SDK1: variants seen among roughly 807,000 people sequenced by gnomAD.
The protein encoded by SDK1 is protein sidekick-1.
In SDK1, 157 loss-of-function variants were observed where a neutral mutation model predicts 245.5. The ratio of observed to expected loss-of-function variants is 0.64; its 90% CI spans 0.56 to 0.73. SDK1 has a LOEUF of 0.73. Ranked by LOEUF, SDK1 falls within the 30% of genes least tolerant of loss-of-function variation. SDK1 has a pLI of 0.00. For synonymous variants in SDK1, 1,647 were observed against 1,278.5 expected, an observed-to-expected ratio of 1.29 and a Z score of -6.15; for missense variants, 3,583 against 3,002.3, an observed-to-expected ratio of 1.19 and a Z score of -4.52.
At chr7:3,686,690 G>T (rs759772234) in intron 4 of SDK1, among the ~76,000 whole-genome samples, 3 of 152,222 alleles carry the variant, frequency 2.0e-5, no homozygotes, top group African/African-American at 2.4e-5. Flanking sequence ...CTACGACTCT[G>T]TTGCTGACAG....
intron 4 of SDK1, among the ~76,000 whole-genome samples, chr7:3,716,939 A>G (rs182481398): frequency 1.3e-5 from 2 of 152,294 alleles, no homozygotes; most frequent in East Asian, 3.9e-4. Context: ...AGGGGTAAAT[A>G]AAATACACTA....
At chr7:3,600,502 C>T (rs748038796) in intron 1 of SDK1, among the ~76,000 whole-genome samples, 1 of 149,256 alleles carries the variant, frequency 6.7e-6, no homozygotes, top group Non-Finnish European at 1.5e-5. Flanking sequence ...ACCAAGTTTA[C>T]GGAAAAATCG....
chr7:4,072,434 G>A (rs1226084627), intron 20 of SDK1, among the ~76,000 whole-genome samples: 1 of 152,216 alleles, frequency 6.6e-6, no homozygotes, highest in East Asian at 1.9e-4. Context: ...TCCTAGAGGA[G>A]ATGAGATCGG....
At chr7:3,510,399 G>C (rs1259873698) in intron 1 of SDK1, among the ~76,000 whole-genome samples, 3 of 152,190 alleles carry the variant, frequency 2.0e-5, no homozygotes, top group Non-Finnish European at 4.4e-5. Context: ...GTTCCATGTA[G>C]TTGTGAGTCA....
chr7:3,878,168 G>C (rs994382419), intron 5 of SDK1, among the ~76,000 whole-genome samples: 3 of 152,146 alleles, frequency 2.0e-5, no homozygotes, highest in Admixed American at 2.0e-4. Context: ...AAATCAAACA[G>C]TATCTTTTCA....
chr7:3,796,438 C>T lies in SDK1; in HGVS notation c.714-25012C>T, dbSNP rs1048686007. On this transcript the variant is annotated intron_variant, in intron 4 of 44. Transcript: ENST00000404826. ...CGCTGTTGCTTCCCTTTGCTGGACGCAGAGCTCCTCAAGGGCAGGGCGACC... is the reference window on the plus strand; with the variant it reads ...CGCTGTTGCTTCCCTTTGCTGGACGTAGAGCTCCTCAAGGGCAGGGCGACC... 1.3e-3 allele frequency among the ~76,000 whole-genome samples: 202 copies of T among 152,320 alleles called. 1 individual carries two copies. The highest frequency in any genetic ancestry group is 4.0e-3 in the African/African-American group (165 of 41,566).
In SDK1 at chr7:3,497,445, A is replaced by G. The variant is rs73671863; in HGVS notation, c.299-121635A>G. Among the ~76,000 whole-genome samples the G allele has an allele frequency of 5.5e-3, 830 of 152,292 alleles. 6 individuals carry two copies. The highest frequency in any genetic ancestry group is 0.019 in the African/African-American group (795 of 41,560). On this transcript the variant is annotated intron_variant, in intron 1 of 44. Transcript: ENST00000404826. The stretch of plus-strand genomic sequence containing the variant: ...CTGCTGCAGACATCATTGCGTCTTT[A>G]TTATGAAAGTGCTATGTGTAGCTTT...
chr7:3,707,279 T>C (rs903048480), intron 4 of SDK1, among the ~76,000 whole-genome samples: 6 of 152,234 alleles, frequency 3.9e-5, no homozygotes, highest in East Asian at 1.9e-4. Context: ...AAAGAATTTT[T>C]AAATTTCCAT....
intron 12 of SDK1, among the ~76,000 whole-genome samples, chr7:3,972,018 C>A (rs530917566): frequency 1.3e-5 from 2 of 151,374 alleles, no homozygotes; most frequent in East Asian, 1.9e-4. Flanking sequence ...AAGTCACCCA[C>A]AGCCCCCAGT....
chr7:3,657,475 G>A lies in SDK1; in HGVS notation c.713+15370G>A, dbSNP rs928911814. Reference sequence around the variant, plus strand: ...AGGGTCCTACCCAAATGTGAAGTGTGTGGAGGCAGGGTGGTGTGGAAGGCA... The same window carrying A: ...AGGGTCCTACCCAAATGTGAAGTGTATGGAGGCAGGGTGGTGTGGAAGGCA... On this transcript the variant is annotated intron_variant, in intron 4 of 44. Coordinates refer to ENST00000404826, the MANE Select transcript of SDK1 (RefSeq NM_152744.4). Among the ~76,000 whole-genome samples the A allele has an allele frequency of 5.3e-5, 8 of 152,176 alleles. No homozygotes were observed. In the East Asian group the frequency reaches 1.5e-3, roughly 29 times the overall value.
intron 1 of SDK1, among the ~76,000 whole-genome samples, chr7:3,508,188 A>AT (rs146289177): frequency 0.29 from 43,452 of 150,268 alleles, 6,585 homozygotes; most frequent in African/African-American, 0.35. Flanking sequence ...TTTTCTGAAT[A>AT]TTTTTTTTTC....
intron 1 of SDK1, among the ~76,000 whole-genome samples, chr7:3,358,164 G>C (rs1470734386): frequency 1.3e-5 from 2 of 152,094 alleles, no homozygotes; most frequent in Non-Finnish European, 2.9e-5. Context: ...TCAGACTACA[G>C]GCCCATGCCA....
chr7:3,567,825 C>T (rs778840654), intron 1 of SDK1, among the ~76,000 whole-genome samples: 6 of 151,764 alleles, frequency 4.0e-5, no homozygotes, highest in Non-Finnish European at 7.4e-5. Flanking sequence ...ATTTATTTTT[C>T]TTCTAAGGCA....
intron 4 of SDK1, among the ~76,000 whole-genome samples, chr7:3,810,014 G>A (rs1417139975): frequency 2.0e-5 from 3 of 152,190 alleles, no homozygotes; most frequent in African/African-American, 7.2e-5. Flanking sequence ...TGTATCTGCT[G>A]TGTCTTGCTT....
At chr7:3,661,264 G>C (rs7800550) in intron 4 of SDK1, among the ~76,000 whole-genome samples, 54,286 of 152,102 alleles carry the variant, frequency 0.36, 10,585 homozygotes, top group African/African-American at 0.5. Flanking sequence ...GAGAAACCAT[G>C]GTTTGGTTTG....
rs760649932 is a variant in SDK1 at position 4,175,763 on chromosome 7, T to C, written c.4937-12T>C. 1 of 1,613,086 alleles carries C rather than the reference T, an allele frequency of 6.2e-7. No individual in the cohort carries two copies. Among genetic ancestry groups the C allele is most frequent in the South Asian group, 1.1e-5 (1 of 91,070 alleles). The stretch of plus-strand genomic sequence containing the variant: ...CGTGCTAACCACCTTTCTGCTTTGC[T>C]TACCCCAATAGCCCAAAGCAGCTTC... On this transcript the variant is annotated splice_polypyrimidine_tract_variant and intron_variant, in intron 33 of 44. Coordinates refer to ENST00000404826, the MANE Select transcript of SDK1 (RefSeq NM_152744.4).
At chr7:4,213,629 G>C (rs1389691206) in intron 38 of SDK1, among the ~76,000 whole-genome samples, 1 of 151,670 alleles carries the variant, frequency 6.6e-6, no homozygotes, top group Non-Finnish European at 1.5e-5. Context: ...GCCATTCCAT[G>C]GGTCATTACC....
rs116383705 is a variant in SDK1, at chr7:3,838,556, C to G, written c.847+16973C>G. On this transcript the variant is annotated intron_variant, in intron 5 of 44. Coordinates refer to ENST00000404826, the MANE Select transcript of SDK1 (RefSeq NM_152744.4). ...GCTCACCTGCTACTGTAGATAGAAACAAAGCCCTGCTTGGCAGAGGGTGCA... is the reference window on the plus strand; with the variant it reads ...GCTCACCTGCTACTGTAGATAGAAAGAAAGCCCTGCTTGGCAGAGGGTGCA... Among the ~76,000 whole-genome samples, 1,055 of 152,342 alleles carry G rather than the reference C, an allele frequency of 6.9e-3. 14 individuals are homozygous for G. The highest frequency in any genetic ancestry group is 0.024 in the African/African-American group (987 of 41,578).
chr7:3,505,733 A>G (rs1281619480), intron 1 of SDK1, among the ~76,000 whole-genome samples: 2 of 152,180 alleles, frequency 1.3e-5, no homozygotes, highest in Non-Finnish European at 2.9e-5. Context: ...TGGCTCAAAA[A>G]TACAGTATTC....
Sources: gnomAD v4.1 joint callset for allele counts (sites outside exome capture counted in the v4.1 genomes callset) on GRCh38, gnomAD v4.1.1 for gene constraint, MANE v1.5 for transcripts, NCBI Gene and HGNC (gene_info 2026-07-23, HGNC 2026-07-21) for gene names.